The following ITGBL1 variants were observed in gnomAD, a reference collection of about 807,000 sequenced individuals.
ITGBL1 encodes the protein integrin beta-like protein 1.
Under a neutral mutation model 68.5 loss-of-function variants are expected in ITGBL1, and 51 were observed. The observed-to-expected ratio is 0.74, with a 90% CI of 0.59 to 0.94. The LOEUF (loss-of-function observed/expected upper bound fraction) is 0.94, where lower values mean the gene tolerates loss of function less well. Among genes scored for constraint, ITGBL1 ranks in the 40% least tolerant of loss-of-function variants. ITGBL1 has a pLI of 0.00. For synonymous variants in ITGBL1, 209 were observed against 227.3 expected (o/e 0.92, Z 0.72); for missense variants, 649 against 647.4 (o/e 1.00, Z -0.03).
chr13:101,526,750 TA>T (rs2049386989), intron 2 of ITGBL1, among the ~76,000 whole-genome samples: 1 of 105,738 alleles, frequency 9.5e-6, no homozygotes, highest in African/African-American at 4.7e-5. Context: ...CATTTTTCTA[TA>T]ATATATTTTT....
chr13:101,455,926 G>A (rs1036640060), intron 2 of ITGBL1, among the ~76,000 whole-genome samples: 1 of 152,130 alleles, frequency 6.6e-6, no homozygotes, highest in Non-Finnish European at 1.5e-5. Context: ...GAGGTAAGAT[G>A]CAGCCTTTAA....
At chr13:101,501,340 T>A (rs1043241778) in intron 2 of ITGBL1, among the ~76,000 whole-genome samples, 4 of 152,194 alleles carry the variant, frequency 2.6e-5, no homozygotes, top group Non-Finnish European at 4.4e-5. Context: ...AGAGTGACTG[T>A]CCTGTTATCT....
chr13:101,508,161 C>A (rs2049055836), intron 2 of ITGBL1, among the ~76,000 whole-genome samples: 1 of 152,090 alleles, frequency 6.6e-6, no homozygotes, highest in African/African-American at 2.4e-5. Flanking sequence ...TTATTTATGT[C>A]TCTTGGCTGT....
intron 7 of ITGBL1, among the ~76,000 whole-genome samples, chr13:101,689,610 A>T (rs970806293): frequency 9.2e-5 from 14 of 152,156 alleles, no homozygotes; most frequent in African/African-American, 3.4e-4. Context: ...GTCTCTAAAA[A>T]AAAACCCAAA....
At position 101,685,564 on chromosome 13, in the gene ITGBL1, C is replaced by G. The variant is rs1019742623; in HGVS notation, c.1016-7021C>G. Among the ~76,000 whole-genome samples the G allele has an allele frequency of 4.6e-5, 7 of 152,048 alleles. No homozygotes were observed. In the East Asian group the frequency reaches 1.3e-3, roughly 29 times the overall value. On this transcript the variant is annotated intron_variant, in intron 7 of 10. Coordinates refer to ENST00000376180, the MANE Select transcript of ITGBL1 (RefSeq NM_004791.3). ...AATGGTTGTTATAAACATCTCCCAT[C>G]TCTAACTTAGATCACTCCCTGTTAA...
At chr13:101,635,002 T>C (rs1032243186) in intron 7 of ITGBL1, among the ~76,000 whole-genome samples, 31 of 149,850 alleles carry the variant, frequency 2.1e-4, no homozygotes, top group Non-Finnish European at 2.4e-4. Context: ...TTATGCTCAA[T>C]TTCAATTCGA....
At chr13:101,559,983 C>T (rs1320226448) in intron 2 of ITGBL1, among the ~76,000 whole-genome samples, 1 of 152,144 alleles carries the variant, frequency 6.6e-6, no homozygotes, top group Non-Finnish European at 1.5e-5. Context: ...CCGTTGTCCA[C>T]ATGAAAATGC....
chr13:101,553,169 T>C (rs756710977), intron 2 of ITGBL1, among the ~76,000 whole-genome samples: 6 of 152,224 alleles, frequency 3.9e-5, no homozygotes, highest in Non-Finnish European at 7.3e-5. Flanking sequence ...AGCTGTGTGT[T>C]TCATTATATG....
intron 6 of ITGBL1, among the ~76,000 whole-genome samples, chr13:101,597,596 G>A (rs2030064585): frequency 6.6e-6 from 1 of 151,516 alleles, no homozygotes; most frequent in African/African-American, 2.4e-5. Flanking sequence ...CTGTCGCTCA[G>A]GCTGGAGTGC....
intron 2 of ITGBL1, among the ~76,000 whole-genome samples, chr13:101,505,214 G>A (rs938416182): frequency 6.6e-6 from 1 of 152,168 alleles, no homozygotes; most frequent in Non-Finnish European, 1.5e-5. Context: ...TTGTCTCAAA[G>A]GATATTTGTG....
intron 7 of ITGBL1, among the ~76,000 whole-genome samples, chr13:101,688,983 G>T (rs1486975083): frequency 2.0e-5 from 3 of 151,734 alleles, no homozygotes; most frequent in African/African-American, 7.3e-5. Context: ...TGGATTGCTT[G>T]AGGCCAGGAG....
intron 7 of ITGBL1, among the ~76,000 whole-genome samples, chr13:101,601,995 T>C (rs1299239140): frequency 2.6e-5 from 4 of 152,070 alleles, no homozygotes; most frequent in Admixed American, 2.6e-4. Context: ...TGAAAGTACA[T>C]GGAGAAATAT....
At chr13:101,618,939 G>T (rs2031477934) in intron 7 of ITGBL1, among the ~76,000 whole-genome samples, 2 of 152,068 alleles carry the variant, frequency 1.3e-5, no homozygotes, top group Admixed American at 1.3e-4. Flanking sequence ...ATGATAGAGG[G>T]ATGGTAGCGT....
intron 7 of ITGBL1, among the ~76,000 whole-genome samples, chr13:101,691,312 A>G (rs1413386464): frequency 6.6e-6 from 1 of 152,198 alleles, no homozygotes; most frequent in African/African-American, 2.4e-5. Flanking sequence ...CCAGATTCTC[A>G]AAGGGATCGT....
chr13:101,615,984 C>T (rs1001021535), intron 7 of ITGBL1, among the ~76,000 whole-genome samples: 1 of 152,112 alleles, frequency 6.6e-6, no homozygotes, highest in Non-Finnish European at 1.5e-5. Flanking sequence ...GCATAGATAT[C>T]TGTTGTTTAT....
intron 2 of ITGBL1, among the ~76,000 whole-genome samples, chr13:101,561,162 C>T (rs934449748): frequency 4.6e-5 from 7 of 152,040 alleles, no homozygotes; most frequent in African/African-American, 9.7e-5. Flanking sequence ...AGTATGCCCT[C>T]GTGAATGAGC....
intron 7 of ITGBL1, among the ~76,000 whole-genome samples, chr13:101,661,068 A>G (rs2033073331): frequency 2.0e-5 from 3 of 152,232 alleles, no homozygotes; most frequent in Non-Finnish European, 2.9e-5. Context: ...GCAGATGCAT[A>G]AATGACCAGT....
intron 7 of ITGBL1, among the ~76,000 whole-genome samples, chr13:101,604,864 A>ACATATATATATATATATATATATGTG (rs1286021213): frequency 7.9e-5 from 2 of 25,174 alleles, no homozygotes; most frequent in African/African-American, 2.4e-4. Flanking sequence ...ATATATATAT[A>ACATATATATATATATATATATATGTG]TATATATATA....
Position 101,686,215 on chromosome 13 carries a change from G to A in ITGBL1, c.1016-6370G>A, listed in dbSNP as rs964698107. 7.9e-5 allele frequency among the ~76,000 whole-genome samples: 12 copies of A among 152,188 alleles called. No individual in the cohort carries two copies. The East Asian group carries it at 2.1e-3, about 27-fold the overall frequency. ...CCTCCCGGCAACCACCACCACCACTGCTTTCCCCTATTAGAATGAAGCAGT... is the reference window on the plus strand; with the variant it reads ...CCTCCCGGCAACCACCACCACCACTACTTTCCCCTATTAGAATGAAGCAGT... On this transcript the variant is annotated intron_variant, in intron 7 of 10. Coordinates refer to ENST00000376180, the MANE Select transcript of ITGBL1 (RefSeq NM_004791.3).
Sources: gnomAD v4.1 joint callset for allele counts (sites outside exome capture counted in the v4.1 genomes callset) on GRCh38, gnomAD v4.1.1 for gene constraint, MANE v1.5 for transcripts, NCBI Gene and HGNC (gene_info 2026-07-23, HGNC 2026-07-21) for gene names.